DPH6: variants seen among roughly 807,000 people sequenced by gnomAD.
DPH6 encodes diphthamine biosynthesis 6, also known as diphthine--ammonia ligase.
A neutral mutation model predicts 38.2 loss-of-function variants in DPH6; 33 were observed. That is an observed-to-expected ratio of 0.86 (90% CI 0.65 to 1.15). The LOEUF is 1.15. Among genes scored for constraint, DPH6 ranks in the 50% most tolerant of loss-of-function variants. The probability of loss-of-function intolerance (pLI) is 0.00; values close to 1 mark genes in which losing one functional copy is unlikely to be tolerated. For missense variants in DPH6, 325 were observed against 320.0 expected (o/e 1.02, Z -0.12); for synonymous variants, 108 against 103.0 (o/e 1.05, Z -0.30).
At chr15:35,316,111 A>G (rs1382069614) in intron 3 of DPH6, among the ~76,000 whole-genome samples, 5 of 152,084 alleles carry the variant, frequency 3.3e-5, no homozygotes, top group Non-Finnish European at 7.4e-5. Context: ...AAGAAATAAG[A>G]CCTAGTATTT....
the DPH6 span, among the ~76,000 whole-genome samples, chr15:35,175,823 A>G: frequency 1.3e-5 from 2 of 152,200 alleles, no homozygotes; most frequent in East Asian, 3.8e-4. Context: ...AAAAGATGAA[A>G]TAGTGAAGCT....
intron 3 of DPH6, among the ~76,000 whole-genome samples, chr15:35,514,749 T>C (rs1462395173): frequency 6.6e-6 from 1 of 152,140 alleles, no homozygotes; most frequent in Non-Finnish European, 1.5e-5. Context: ...AACCCTGAAC[T>C]GATAAACTGA....
intron 3 of DPH6, among the ~76,000 whole-genome samples, chr15:35,362,921 C>T (rs978281433): frequency 4.6e-5 from 7 of 152,110 alleles, no homozygotes; most frequent in Non-Finnish European, 8.8e-5. Flanking sequence ...TTGGTCACTT[C>T]CCACTCTGCG....
At chr15:35,310,839 C>T (rs1260192391) in intron 3 of DPH6, among the ~76,000 whole-genome samples, 4 of 150,874 alleles carry the variant, frequency 2.7e-5, no homozygotes, top group East Asian at 3.9e-4. Flanking sequence ...CACCTGAGGT[C>T]GGGAGTTTGA....
At chr15:35,237,547 C>T in intron 3 of DPH6, 2 of 1,551,526 alleles carry the variant, frequency 1.3e-6, no homozygotes, top group Non-Finnish European at 8.9e-7. Flanking sequence ...TAAGCGATAA[C>T]AGAGTCTCGG....
chr15:35,395,887 T>C (rs1399274304), intron 6 of DPH6, among the ~76,000 whole-genome samples: 1 of 152,216 alleles, frequency 6.6e-6, no homozygotes, highest in Non-Finnish European at 1.5e-5. Context: ...GCAGTTAGCA[T>C]AGAACTGGGT....
At chr15:35,370,010 A>G (rs1051144135), downstream of DPH6, among the ~76,000 whole-genome samples, 2 of 151,866 alleles carry the variant, frequency 1.3e-5, no homozygotes, top group Non-Finnish European at 2.9e-5. Context: ...GTATTTGCAA[A>G]AGAGACAAAT....
intron 3 of DPH6, among the ~76,000 whole-genome samples, chr15:35,530,804 ACTTTATCAT>A (rs2055075544): frequency 6.6e-6 from 1 of 152,154 alleles, no homozygotes; most frequent in Non-Finnish European, 1.5e-5. Flanking sequence ...TGCACGCTTG[ACTTTATCAT>A]CTGAAAGGAC....
intron 6 of DPH6, chr15:35,401,052 G>T: frequency 1.1e-6 from 1 of 891,410 alleles, no homozygotes; most frequent in Admixed American, 1.7e-5. Flanking sequence ...TCACCTAAGA[G>T]ATTATTTTCA....
chr15:35,430,084 A>C (rs1257807720), intron 5 of DPH6, among the ~76,000 whole-genome samples: 1 of 152,166 alleles, frequency 6.6e-6, no homozygotes, highest in Non-Finnish European at 1.5e-5. Flanking sequence ...ATCATCAAAA[A>C]TGATATTGAC....
chr15:35,186,940 TA>T, the DPH6 span, among the ~76,000 whole-genome samples: 1 of 152,176 alleles, frequency 6.6e-6, no homozygotes, highest in Admixed American at 6.5e-5. Context: ...TAAAGAATAG[TA>T]TGATGATTTA....
At position 35,337,718 on chromosome 15, in the gene DPH6, C is replaced by T. The variant is rs1029964371; in HGVS notation, n.208-6641G>A. On this transcript the variant is annotated intron_variant and non_coding_transcript_variant, in intron 3 of 3. Coordinates refer to the DPH6 transcript ENST00000558973. The stretch of plus-strand genomic sequence containing the variant: ...TGTGGAACCAAAAAAGAGCCTGCAT[C>T]GCCAAGTCAATCCGAAGCCAAAAGA... Among the ~76,000 whole-genome samples, 83 of 152,138 alleles carry T rather than the reference C, an allele frequency of 5.5e-4. 1 individual carries two copies. Among genetic ancestry groups the T allele is most frequent in the African/African-American group, 1.8e-3 (74 of 41,524 alleles).
At chr15:35,207,542 T>C in the DPH6 span, among the ~76,000 whole-genome samples, 1 of 152,188 alleles carries the variant, frequency 6.6e-6, no homozygotes, top group East Asian at 1.9e-4. Flanking sequence ...CACTCCATTA[T>C]TACTATAATA....
intron 3 of DPH6, among the ~76,000 whole-genome samples, chr15:35,289,773 G>C (rs548755387): frequency 1.2e-4 from 18 of 152,176 alleles, no homozygotes; most frequent in Non-Finnish European, 2.1e-4. Flanking sequence ...TTCCTGAAAT[G>C]TCAGAACAAA....
chr15:35,294,557 G>GT (rs35494205), intron 3 of DPH6, among the ~76,000 whole-genome samples: 9,384 of 151,554 alleles, frequency 0.062, 414 homozygotes, highest in Non-Finnish European at 0.096. Context: ...CTCCTTTGCC[G>GT]TTTTTTTTGT....
chr15:35,504,440 C>T (rs2054667432), intron 3 of DPH6, among the ~76,000 whole-genome samples: 1 of 151,842 alleles, frequency 6.6e-6, no homozygotes, highest in Non-Finnish European at 1.5e-5. Context: ...GCTCCATCCC[C>T]AGGTAAAACT....
chr15:35,176,904 G>C, the DPH6 span, among the ~76,000 whole-genome samples: 60 of 152,302 alleles, frequency 3.9e-4, no homozygotes, highest in East Asian at 0.011. Flanking sequence ...ATATCAAAAA[G>C]ACTAATGATT....
chr15:35,294,934 G>T (rs1595464912), intron 3 of DPH6, among the ~76,000 whole-genome samples: 1 of 152,202 alleles, frequency 6.6e-6, no homozygotes, highest in Admixed American at 6.5e-5. Flanking sequence ...CCTGTTGCAT[G>T]GTGAGTTCAC....
chr15:35,352,829 A>G (rs930988534), intron 3 of DPH6, among the ~76,000 whole-genome samples: 77 of 152,310 alleles, frequency 5.1e-4, no homozygotes, highest in African/African-American at 1.8e-3. Flanking sequence ...TGATATTTCT[A>G]GTTCTAGATT....
Sources: gnomAD v4.1 joint callset for allele counts (sites outside exome capture counted in the v4.1 genomes callset) on GRCh38, gnomAD v4.1.1 for gene constraint, MANE v1.5 for transcripts, NCBI Gene and HGNC (gene_info 2026-07-23, HGNC 2026-07-21) for gene names.